The following MDM1 variants were observed in gnomAD, a reference collection of about 807,000 sequenced individuals.
The protein encoded by MDM1 is stabilizer of axonemal microtubules 6, also known as Mdm1 nuclear protein.
In MDM1, 61 loss-of-function variants were observed where a neutral mutation model predicts 89.1. That is an observed-to-expected ratio of 0.68 (90% CI 0.56 to 0.85). The LOEUF is 0.85. Ranked by LOEUF, MDM1 falls within the 40% of genes least tolerant of loss-of-function variation. MDM1 has a pLI of 0.00. For synonymous variants in MDM1, 290 were observed against 294.1 expected (o/e 0.99, Z 0.14); for missense variants, 820 against 846.5 (o/e 0.97, Z 0.39).
intron 12 of MDM1, among the ~76,000 whole-genome samples, chr12:68,312,593 A>G (rs1360624715): frequency 1.3e-5 from 2 of 152,152 alleles, no homozygotes; most frequent in Non-Finnish European, 2.9e-5. Flanking sequence ...CCTATTCTCA[A>G]CACAGCAGCC....
chr12:68,307,824 G>T (rs1284157080), intron 12 of MDM1, among the ~76,000 whole-genome samples: 1 of 151,530 alleles, frequency 6.6e-6, no homozygotes, highest in Non-Finnish European at 1.5e-5. Flanking sequence ...TATAGTCTCA[G>T]CTATTTGGGA....
intron 7 of MDM1, chr12:68,320,875 C>G (rs565017064): frequency 6.6e-6 from 1 of 152,464 alleles, no homozygotes; most frequent in Non-Finnish European, 1.5e-5. Context: ...GAGTTTCTCC[C>G]AAGTCAGAGT....
At chr12:68,301,387 C>A (rs1304991036) in intron 13 of MDM1, among the ~76,000 whole-genome samples, 1 of 152,148 alleles carries the variant, frequency 6.6e-6, no homozygotes, top group East Asian at 1.9e-4. Context: ...CATGTTCTCA[C>A]TTACCAGTGG....
intron 12 of MDM1, among the ~76,000 whole-genome samples, chr12:68,305,041 G>A (rs1025740052): frequency 5.3e-5 from 8 of 151,918 alleles, no homozygotes; most frequent in African/African-American, 1.9e-4. Context: ...TTTTTTTGTT[G>A]TTGTGTCCTT....
At chr12:68,329,223 G>T (rs143438854) in intron 2 of MDM1, among the ~76,000 whole-genome samples, 1 of 152,118 alleles carries the variant, frequency 6.6e-6, no homozygotes, top group Non-Finnish European at 1.5e-5. Flanking sequence ...GCACCCTGCC[G>T]GAGAAGCAGG....
At chr12:68,321,805 A>G (rs1348551181) in intron 5 of MDM1, among the ~76,000 whole-genome samples, 177 bp from the exon 6 acceptor site, 1 of 152,222 alleles carries the variant, frequency 6.6e-6, no homozygotes, top group Non-Finnish European at 1.5e-5. Context: ...AATTTTTAGT[A>G]TATTTGGTTA....
In MDM1 at chr12:68,307,818, G is replaced by C. The variant is rs549602517; in HGVS notation, c.1750-4946C>G. Among the ~76,000 whole-genome samples, 6 of 151,728 alleles carry C rather than the reference G, an allele frequency of 4.0e-5. No homozygotes were observed. In the East Asian group the frequency reaches 1.2e-3, roughly 30 times the overall value. Reference sequence around the variant, plus strand: ...TCAGATGTGGCCACAGGTGGCTATAGTCTCAGCTATTTGGGAGGCTGAGGC... The same window carrying C: ...TCAGATGTGGCCACAGGTGGCTATACTCTCAGCTATTTGGGAGGCTGAGGC... On this transcript the variant is annotated intron_variant, in intron 12 of 14. Coordinates refer to ENST00000682720, the MANE Select transcript of MDM1 (RefSeq NM_001354969.2).
intron 13 of MDM1, among the ~76,000 whole-genome samples, chr12:68,302,070 G>A (rs1421618566): frequency 6.6e-6 from 1 of 151,908 alleles, no homozygotes; most frequent in Non-Finnish European, 1.5e-5. Flanking sequence ...CCAGCAAAAT[G>A]AATAAAAAAA....
At chr12:68,315,404 G>A in intron 9 of MDM1, 139 bp from the exon 10 acceptor site, 3 of 746,750 alleles carry the variant, frequency 4.0e-6, no homozygotes, top group Admixed American at 3.0e-5. Flanking sequence ...CTCAGGTATT[G>A]AAGAAGGAAA....
chr12:68,317,510 T>A (rs1031911280), intron 7 of MDM1, among the ~76,000 whole-genome samples: 9 of 151,956 alleles, frequency 5.9e-5, no homozygotes, highest in African/African-American at 1.9e-4. Flanking sequence ...AAGTGTTACA[T>A]CTCTAGGGAA....
chr12:68,311,291 T>C (rs1258633803), intron 12 of MDM1, among the ~76,000 whole-genome samples: 2 of 152,158 alleles, frequency 1.3e-5, no homozygotes, highest in African/African-American at 4.8e-5. Flanking sequence ...CAACTTAAAA[T>C]GGCCCCTTAA....
chr12:68,314,847 T>C, intron 10 of MDM1, 101 bp downstream of exon 10: 1 of 1,001,694 alleles, frequency 1.0e-6, no homozygotes, highest in Admixed American at 2.3e-5. Flanking sequence ...TGCAATTTAT[T>C]AGTCATAAAA....
chr12:68,298,985 C>T (rs1220698951), intron 13 of MDM1, among the ~76,000 whole-genome samples: 1 of 152,136 alleles, frequency 6.6e-6, no homozygotes, highest in African/African-American at 2.4e-5. Flanking sequence ...CAACCAGCAA[C>T]TGAGGAAGCC....
chr12:68,300,948 T>C (rs1392866999), intron 13 of MDM1, among the ~76,000 whole-genome samples: 1 of 152,162 alleles, frequency 6.6e-6, no homozygotes, highest in East Asian at 1.9e-4. Flanking sequence ...AAGAAAATCA[T>C]ACCAATTATC....
chr12:68,326,860 G>A lies in MDM1; in HGVS notation c.295C>T (p.Gln99Ter), dbSNP rs1446420287. Reference sequence around the variant, plus strand: ...ACTCTTTCTTGAGTAACATCCTTTTGTTCTGCTTCTTGTGATTTTGGTGTT... The same window carrying A: ...ACTCTTTCTTGAGTAACATCCTTTTATTCTGCTTCTTGTGATTTTGGTGTT... ...PETPKSQEAE[Q>*]KDVTQERVHS... Residue 99 changes from glutamine (Q) to a stop codon, truncating the protein, a stop_gained, in exon 3 of 15, where the codon CAA becomes TAA. Transcript: ENST00000682720. LOFTEE classifies it high-confidence loss of function. The A allele has an allele frequency of 6.2e-7, 1 of 1,613,806 alleles. No individual in the cohort carries two copies. The highest frequency in any genetic ancestry group is 1.3e-5 in the African/African-American group (1 of 74,902).
At position 68,332,273 on chromosome 12, in the gene MDM1, T is replaced by A. The variant is rs764499999; in HGVS notation, c.-28A>T. 16 of 1,580,894 alleles carry A rather than the reference T, an allele frequency of 1.0e-5. No individual in the cohort carries two copies. The highest frequency in any genetic ancestry group is 1.4e-5 in the Non-Finnish European group (16 of 1,164,450). On this transcript the variant is annotated 5_prime_UTR_variant, in exon 1 of 15. Coordinates refer to ENST00000682720, the MANE Select transcript of MDM1 (RefSeq NM_001354969.2). ...CGCCCGGCGCCGGAGCCCCCGCTACTCCGACAGTTAACTGGAGAAAAAGCT... is the reference window on the plus strand; with the variant it reads ...CGCCCGGCGCCGGAGCCCCCGCTACACCGACAGTTAACTGGAGAAAAAGCT...
intron 12 of MDM1, among the ~76,000 whole-genome samples, chr12:68,312,395 T>C (rs1873816526): frequency 6.6e-6 from 1 of 152,174 alleles, no homozygotes. Flanking sequence ...CCTTGATTTT[T>C]CTCTTTCTCC....
chr12:68,297,777 C>T (rs1871606305), intron 13 of MDM1, among the ~76,000 whole-genome samples: 1 of 152,158 alleles, frequency 6.6e-6, no homozygotes, highest in Non-Finnish European at 1.5e-5. Flanking sequence ...TATCATTTTC[C>T]TCTTCAAAGA....
Position 68,302,643 on chromosome 12 carries a change from C to A in MDM1, c.1979G>T (p.Arg660Ile). Residue 660 changes from arginine (R) to isoleucine (I), a missense_variant, in exon 13 of 15, where the codon AGA becomes ATA. By Grantham distance (97) the Arg-to-Ile change is moderately conservative. Coordinates refer to ENST00000682720, the MANE Select transcript of MDM1 (RefSeq NM_001354969.2). ...HPSRRIQGSL[R>I]DPEFQHNVGK... The stretch of plus-strand genomic sequence containing the variant: ...ACCATTGTGCTGAAACTCTGGATCT[C>A]TAAGAGAGCCCTGAATTCGTCGAGA... The A allele has an allele frequency of 6.2e-7, 1 of 1,613,576 alleles. No individual in the cohort carries two copies. Among genetic ancestry groups the A allele is most frequent in the Non-Finnish European group, 8.5e-7 (1 of 1,179,720 alleles).
Sources: allele counts gnomAD v4.1 joint callset (sites outside exome capture counted in the v4.1 genomes callset), GRCh38; gene constraint gnomAD v4.1.1; transcripts MANE v1.5; gene names NCBI Gene and HGNC (gene_info 2026-07-23, HGNC 2026-07-21).